ABCA5: variants seen among roughly 807,000 people sequenced by gnomAD.
ABCA5 encodes the protein ATP binding cassette subfamily A member 5.
ABCA5 carries 163 observed loss-of-function variants against 206.0 expected under a neutral mutation model. That is an observed-to-expected ratio of 0.79 (90% CI 0.70 to 0.90). The LOEUF (loss-of-function observed/expected upper bound fraction) is 0.90, where lower values mean the gene tolerates loss of function less well. Ranked by LOEUF, ABCA5 falls within the 40% of genes least tolerant of loss-of-function variation. The probability of loss-of-function intolerance (pLI) is 0.00; values close to 1 mark genes in which losing one functional copy is unlikely to be tolerated. For synonymous variants in ABCA5, 609 were observed against 613.8 expected, an observed-to-expected ratio of 0.99 and a Z score of 0.11; for missense variants, 1,859 against 1,912.9, an observed-to-expected ratio of 0.97 and a Z score of 0.53.
At position 69,244,558 on chromosome 17, in the gene ABCA5, T is replaced by G. The variant is rs988276222; in HGVS notation, c.*2979A>C. 1.8e-4 allele frequency: 27 copies of G among 151,932 alleles called. No individual in the cohort carries two copies. The highest frequency in any genetic ancestry group is 6.3e-4 in the African/African-American group (26 of 41,542). The allele number at this position is 151,932 out of a possible 1,614,324, so 9.4% of individuals were successfully genotyped here. ...TAAGAATAGCTGATATAAAAATTATTCATCTGAGAATAAATTCTTTCATTT... is the reference window on the plus strand; with the variant it reads ...TAAGAATAGCTGATATAAAAATTATGCATCTGAGAATAAATTCTTTCATTT... On this transcript the variant is annotated 3_prime_UTR_variant, in exon 39 of 39. Transcript: ENST00000392676.
At chr17:69,275,025 G>A (rs1004465552) in intron 19 of ABCA5, among the ~76,000 whole-genome samples, 1 of 151,744 alleles carries the variant, frequency 6.6e-6, no homozygotes, top group Admixed American at 6.6e-5. Context: ...TGTATTTTTA[G>A]TAGAGACAGG....
At chr17:69,319,547 G>A (rs1404438714) in intron 1 of ABCA5, among the ~76,000 whole-genome samples, 1 of 152,040 alleles carries the variant, frequency 6.6e-6, no homozygotes, top group Non-Finnish European at 1.5e-5. Context: ...CACTACTCTT[G>A]AGCTGTGTCA....
At position 69,259,779 on chromosome 17, in the gene ABCA5, G is replaced by T. The variant is rs372276300; in HGVS notation, c.3658C>A (p.Leu1220Met). Residue 1220 changes from leucine to methionine, a missense_variant, in exon 28 of 39, where the codon CTG (leucine) becomes ATG (methionine). Transcript: ENST00000392676. Reference sequence around the variant, plus strand: ...TAGTATTGTAAGAGGAAAATCCACAGTACACACTGCAGGTAAGGCTAAAAG... The same window carrying T: ...TAGTATTGTAAGAGGAAAATCCACATTACACACTGCAGGTAAGGCTAAAAG... ...AVISPYLQCVLWIFLLQYYEK... is the reference protein window; with the variant it reads ...AVISPYLQCVMWIFLLQYYEK... 4.4e-6 allele frequency: 7 copies of T among 1,604,726 alleles called. No homozygotes were observed. Among genetic ancestry groups the T allele is most frequent in the Non-Finnish European group, 6.0e-6 (7 of 1,173,298 alleles).
chr17:69,250,067 T>C (rs1253561847), intron 36 of ABCA5, 83 bp from the exon 37 acceptor site: 1 of 899,096 alleles, frequency 1.1e-6, no homozygotes, highest in Non-Finnish European at 1.6e-6. Context: ...TGTTTAAAAT[T>C]CAAAATTAAA....
At position 69,279,563 on chromosome 17, in the gene ABCA5, C is replaced by T. The variant is rs576571798; in HGVS notation, c.2393-1721G>A. ...AGTTCATATGGAACCAAAAAAGAGC[C>T]CGCATCGCCAAGTCAATCCTAAGCC... is the stretch of plus-strand genomic sequence containing the variant. On this transcript the variant is annotated intron_variant, in intron 18 of 38. Transcript: ENST00000392676. Among the ~76,000 whole-genome samples, 84 of 151,836 alleles carry T rather than the reference C, an allele frequency of 5.5e-4. No homozygotes were observed. The East Asian group carries it at 8.9e-3, about 16-fold the overall frequency.
intron 1 of ABCA5, among the ~76,000 whole-genome samples, chr17:69,316,381 T>C (rs2075815695): frequency 6.6e-6 from 1 of 151,486 alleles, no homozygotes; most frequent in Non-Finnish European, 1.5e-5. Context: ...TAATCCCAGC[T>C]ACTGGGGAGG....
chr17:69,296,260 G>A (rs1316401209), intron 10 of ABCA5, among the ~76,000 whole-genome samples: 1 of 151,938 alleles, frequency 6.6e-6, no homozygotes, highest in Non-Finnish European at 1.5e-5. Context: ...AAGAAAGCAG[G>A]CCACTGGCCA....
chr17:69,321,115 A>T (rs548339976), intron 1 of ABCA5, among the ~76,000 whole-genome samples: 82 of 152,296 alleles, frequency 5.4e-4, no homozygotes, highest in African/African-American at 1.9e-3. Flanking sequence ...GACAATACTG[A>T]CTAGCCTAAC....
intron 28 of ABCA5, among the ~76,000 whole-genome samples, chr17:69,257,425 A>G (rs2075096421): frequency 6.6e-6 from 1 of 152,110 alleles, no homozygotes; most frequent in African/African-American, 2.4e-5. Flanking sequence ...AGATTAGTTA[A>G]ATAAGTTGAG....
intron 28 of ABCA5, among the ~76,000 whole-genome samples, chr17:69,258,606 T>G (rs1279495674): frequency 6.6e-6 from 1 of 152,110 alleles, no homozygotes; most frequent in Non-Finnish European, 1.5e-5. Flanking sequence ...CGTTCACCAT[T>G]TGGGTAATGT....
intron 1 of ABCA5, among the ~76,000 whole-genome samples, chr17:69,321,140 G>T (rs1351647069): frequency 6.6e-6 from 1 of 152,142 alleles, no homozygotes. Context: ...AGTTAGGGTG[G>T]GAAAACTGGG....
At chr17:69,298,225 T>TAGGTAGGA (rs1339426204) in intron 9 of ABCA5, among the ~76,000 whole-genome samples, 2,629 of 56,984 alleles carry the variant, frequency 0.046, 138 homozygotes, top group Admixed American at 0.11. Context: ...GGAAGGAAGG[T>TAGGTAGGA]AGGTAGGAAG....
intron 1 of ABCA5, chr17:69,317,917 A>G (rs1199976153): frequency 2.0e-5 from 3 of 152,196 alleles, no homozygotes; most frequent in Admixed American, 6.5e-5. Flanking sequence ...ATCTCTGCAT[A>G]CTAAGAAGTA....
intron 14 of ABCA5, among the ~76,000 whole-genome samples, chr17:69,288,047 C>G (rs761518968): frequency 6.6e-6 from 1 of 152,058 alleles, no homozygotes; most frequent in Non-Finnish European, 1.5e-5. Flanking sequence ...TTGCTATTAT[C>G]CTTAACAATT....
chr17:69,291,346 G>T lies in ABCA5; in HGVS notation c.1496-20C>A. On this transcript the variant is annotated intron_variant, in intron 11 of 38. Transcript: ENST00000392676. ...ACAAATCTAGTTCAGGAAAAAAGAAGACTCAAATGTAATTTTTATGTCTGT... is the reference window on the plus strand; with the variant it reads ...ACAAATCTAGTTCAGGAAAAAAGAATACTCAAATGTAATTTTTATGTCTGT... 1 of 1,473,332 alleles carries T rather than the reference G, an allele frequency of 6.8e-7. No homozygotes were observed. The highest frequency in any genetic ancestry group is 1.2e-5 in the South Asian group (1 of 85,152). 91.3% of individuals were successfully genotyped at this position (1,473,332 alleles called of 1,614,324 possible).
chr17:69,255,961 T>C lies in ABCA5; in HGVS notation c.3859-111A>G, dbSNP rs1030740152. On this transcript the variant is annotated intron_variant, in intron 29 of 38. Transcript: ENST00000392676. ...AAAATTATATTGGCTAATAAGGGGA[T>C]ACTGTACAAATAAATATCCATTTAT... The C allele has an allele frequency of 1.7e-5, 19 of 1,099,440 alleles. No homozygotes were observed. The African/African-American group carries it at 2.4e-4, about 14-fold the overall frequency. 68.1% of individuals were successfully genotyped at this position (1,099,440 alleles called of 1,614,324 possible). A position where few individuals can be genotyped will look rare whatever the true frequency, so the allele number is the denominator to read the frequency against.
chr17:69,311,457 T>A (rs527654009), intron 3 of ABCA5, among the ~76,000 whole-genome samples: 2 of 152,166 alleles, frequency 1.3e-5, no homozygotes, highest in South Asian at 4.2e-4. Flanking sequence ...ACACACTGAC[T>A]TAGTTGTTTT....
Position 69,244,898 on chromosome 17 carries a change from A to G in ABCA5, c.*2639T>C, listed in dbSNP as rs1243993148. ...GTTATATAAAATAATAGCTAGTTAT[A>G]TAAGTTATATAAGTAATATATTATA... On this transcript the variant is annotated 3_prime_UTR_variant, in exon 39 of 39. Coordinates refer to ENST00000392676, the MANE Select transcript of ABCA5 (RefSeq NM_172232.4). 1 of 148,432 alleles carries G rather than the reference A, an allele frequency of 6.7e-6. No individual in the cohort carries two copies. The highest frequency in any genetic ancestry group is 1.5e-5 in the Non-Finnish European group (1 of 66,710). 9.2% of individuals were successfully genotyped at this position (148,432 alleles called of 1,614,324 possible).
intron 1 of ABCA5, among the ~76,000 whole-genome samples, chr17:69,319,477 CA>C (rs1366237264): frequency 6.6e-6 from 1 of 152,042 alleles, no homozygotes; most frequent in Non-Finnish European, 1.5e-5. Context: ...CTTTTTAAAG[CA>C]AAACTAAACC....
Sources: allele counts gnomAD v4.1 joint callset (sites outside exome capture counted in the v4.1 genomes callset), GRCh38; gene constraint gnomAD v4.1.1; transcripts MANE v1.5; gene names NCBI Gene and HGNC (gene_info 2026-07-23, HGNC 2026-07-21).